Variants in EXOSC8 observed in about 807,000 individuals in gnomAD.
The protein encoded by EXOSC8 is exosome complex component RRP43.
A neutral mutation model predicts 39.9 loss-of-function variants in EXOSC8; 37 were observed. The ratio of observed to expected loss-of-function variants is 0.93; its 90% CI spans 0.71 to 1.22. The LOEUF (loss-of-function observed/expected upper bound fraction) is 1.22, where lower values mean the gene tolerates loss of function less well. Ranked by LOEUF, EXOSC8 falls within the 50% of genes most tolerant of loss-of-function variation. The pLI, the probability that EXOSC8 is intolerant of heterozygous loss-of-function variation, is 0.00. For missense variants in EXOSC8, 313 were observed against 326.6 expected (o/e 0.96, Z 0.32); for synonymous variants, 93 against 109.5 (o/e 0.85, Z 0.94).
At chr13:37,009,030 A>G (rs1400953763) in intron 10 of EXOSC8, among the ~76,000 whole-genome samples, 154 bp from the exon 11 acceptor site, 2 of 152,220 alleles carry the variant, frequency 1.3e-5, no homozygotes, top group African/African-American at 4.8e-5. Flanking sequence ...CATTAGAATC[A>G]CTTGGAGGTC....
At position 37,009,570 on chromosome 13, in the gene EXOSC8, T is replaced by C. The variant is rs768129917; in HGVS notation, c.*271T>C. 5 of 1,328,846 alleles carry C rather than the reference T, an allele frequency of 3.8e-6. No homozygotes were observed. Among genetic ancestry groups the C allele is most frequent in the South Asian group, 1.2e-5 (1 of 82,824 alleles). 82.3% of individuals were successfully genotyped at this position (1,328,846 alleles called of 1,614,324 possible). On this transcript the variant is annotated 3_prime_UTR_variant, in exon 11 of 11. Coordinates refer to ENST00000389704, the MANE Select transcript of EXOSC8 (RefSeq NM_181503.3). The stretch of plus-strand genomic sequence containing the variant: ...TGTATAAAGTTTGTACATCTAGCAA[T>C]GTAAAATACTGACACATTAAAAAAA...
intron 1 of EXOSC8, 39 bp downstream of exon 1, chr13:37,000,861 G>C: frequency 3.4e-6 from 5 of 1,481,912 alleles, no homozygotes; most frequent in Non-Finnish European, 4.5e-6. Flanking sequence ...TCTGTACCCT[G>C]GCGGACGGCA....
intron 10 of EXOSC8, 91 bp from the exon 11 acceptor site, chr13:37,009,093 A>AT (rs1193970856): frequency 2.3e-6 from 2 of 865,898 alleles, no homozygotes; most frequent in Non-Finnish European, 3.7e-6. Flanking sequence ...ACATTATCCA[A>AT]TTTTTTTGTT....
rs2059112487 is a variant in EXOSC8, at chr13:37,002,419, A to T, written c.55-69A>T. 2.2e-6 allele frequency: 3 copies of T among 1,345,060 alleles called. No individual in the cohort carries two copies. In the East Asian group the frequency reaches 7.0e-5, roughly 31 times the overall value. The allele number at this position is 1,345,060 out of a possible 1,614,324, so 83.3% of individuals were successfully genotyped here. On this transcript the variant is annotated intron_variant, in intron 2 of 10. Transcript: ENST00000389704. ...TTGAAGTAACATTTAATGTGTGTGT[A>T]AAACTTGTGATAGATGTGTAAAATA... is the stretch of plus-strand genomic sequence containing the variant.
rs774720785 is a variant in EXOSC8 at position 37,002,523 on chromosome 13, TGAATTCA to T, written c.94_100del (p.Phe32ProfsTer17). ...GCCGTCCTGATGGAAGAGAACTTGG[TGAATTCA>T]GAACCACAACTGTCAACATCGGTAA... is the stretch of plus-strand genomic sequence containing the variant. On this transcript the variant is annotated frameshift_variant, in exon 3 of 11. Coordinates refer to ENST00000389704, the MANE Select transcript of EXOSC8 (RefSeq NM_181503.3). LOFTEE classifies it high-confidence loss of function. 8.2e-6 allele frequency: 13 copies of T among 1,593,666 alleles called. No individual in the cohort carries two copies. The highest frequency in any genetic ancestry group is 1.1e-5 in the Non-Finnish European group (13 of 1,168,900).
At chr13:37,005,767 G>A (rs1484420349) in intron 5 of EXOSC8, among the ~76,000 whole-genome samples, 153 bp from the exon 6 acceptor site, 1 of 150,284 alleles carries the variant, frequency 6.7e-6, no homozygotes, top group Non-Finnish European at 1.5e-5. Flanking sequence ...GGGAGGCTGA[G>A]GCAAGGAAAT....
chr13:37,006,114 G>C lies in EXOSC8; in HGVS notation c.345-1G>C. The C allele has an allele frequency of 6.2e-7, 1 of 1,609,648 alleles. No individual in the cohort carries two copies. The highest frequency in any genetic ancestry group is 8.5e-7 in the Non-Finnish European group (1 of 1,176,250). On this transcript the variant is annotated splice_acceptor_variant, in intron 6 of 10. Transcript: ENST00000389704. LOFTEE classifies it high-confidence loss of function. ...ACTTTGCTCTTTGTCATTAAATCAA[G>C]TTCACAGATAATTCAGAAAGAGGAC...
At chr13:37,001,960 T>C (rs967214865) in intron 1 of EXOSC8, among the ~76,000 whole-genome samples, 4 of 152,174 alleles carry the variant, frequency 2.6e-5, no homozygotes, top group African/African-American at 9.7e-5. Context: ...ATAATCTTTT[T>C]TCATGATCAC....
At position 37,008,845 on chromosome 13, in the gene EXOSC8, C is replaced by G; in HGVS notation, c.715+10C>G. The G allele has an allele frequency of 2.6e-6, 4 of 1,543,114 alleles. No individual in the cohort carries two copies. The highest frequency in any genetic ancestry group is 3.3e-5 in the Admixed American group (2 of 59,852). On this transcript the variant is annotated intron_variant, in intron 10 of 10. Transcript: ENST00000389704. ...TGTCTTCACAAACCAGGCATGTTCCCGCCACTTCAGTCCTAAACATATGTA... is the reference window on the plus strand; with the variant it reads ...TGTCTTCACAAACCAGGCATGTTCCGGCCACTTCAGTCCTAAACATATGTA...
At chr13:37,008,308 A>C (rs1031193831) in intron 9 of EXOSC8, 131 bp downstream of exon 9, 4 of 739,286 alleles carry the variant, frequency 5.4e-6, no homozygotes, top group African/African-American at 1.8e-5. Flanking sequence ...TTGAGTTTCT[A>C]CTTGTCCCTG....
rs1301481115 is a variant in EXOSC8 at position 37,006,983 on chromosome 13, G to A, written c.399G>A (p.Trp133Ter). 6 of 1,603,808 alleles carry A rather than the reference G, an allele frequency of 3.7e-6. No individual in the cohort carries two copies. Among genetic ancestry groups the A allele is most frequent in the Non-Finnish European group, 5.1e-6 (6 of 1,170,728 alleles). Residue 133 changes from tryptophan to a stop codon, truncating the protein, a stop_gained, in exon 8 of 11, where the codon TGG (tryptophan) becomes TGA (stop). Transcript: ENST00000389704. LOFTEE classifies it high-confidence loss of function. ...GTTTAATTCTATTTTAGCTTGTCTG[G>A]GTTCTATACTGTGATCTCATTTGCC... is the stretch of plus-strand genomic sequence containing the variant. ...DLCISPGKLVWVLYCDLICLD... is the reference protein window; with the variant it reads ...DLCISPGKLV
Position 37,009,312 on chromosome 13 carries a change from T to C in EXOSC8, c.*13T>C. 1 of 1,425,618 alleles carries C rather than the reference T, an allele frequency of 7.0e-7. No individual in the cohort carries two copies. Among genetic ancestry groups the C allele is most frequent in the African/African-American group, 1.4e-5 (1 of 71,038 alleles). The allele number at this position is 1,425,618 out of a possible 1,614,324, so 88.3% of individuals were successfully genotyped here. A position where few individuals can be genotyped will look rare whatever the true frequency, so the allele number is the denominator to read the frequency against. On this transcript the variant is annotated 3_prime_UTR_variant, in exon 11 of 11. Coordinates refer to ENST00000389704, the MANE Select transcript of EXOSC8 (RefSeq NM_181503.3). Reference sequence around the variant, plus strand: ...GAAACCCAAATAAACAGCCACCACATTTTCAAAACAGATTTGTAAAAATTG... The same window carrying C: ...GAAACCCAAATAAACAGCCACCACACTTTCAAAACAGATTTGTAAAAATTG...
At chr13:37,005,650 G>C (rs1036850871) in intron 5 of EXOSC8, among the ~76,000 whole-genome samples, 1 of 151,818 alleles carries the variant, frequency 6.6e-6, no homozygotes, top group East Asian at 1.9e-4. Flanking sequence ...GGCGGATCAC[G>C]AGGTCAGGCG....
intron 3 of EXOSC8, 111 bp from the exon 4 acceptor site, chr13:37,002,823 G>A: frequency 2.7e-6 from 2 of 745,276 alleles, no homozygotes; most frequent in Non-Finnish European, 4.7e-6. Flanking sequence ...ACTGAGAGGG[G>A]TAGCAAGATA....
intron 1 of EXOSC8, 109 bp downstream of exon 1, chr13:37,000,931 A>G: frequency 2.3e-6 from 3 of 1,319,346 alleles, no homozygotes; most frequent in Non-Finnish European, 3.0e-6. Context: ...TTGGGGTGCC[A>G]TTTCCTTCCT....
intron 9 of EXOSC8, 94 bp downstream of exon 9, chr13:37,008,271 C>G: frequency 2.0e-6 from 2 of 1,009,066 alleles, no homozygotes; most frequent in Non-Finnish European, 3.0e-6. Flanking sequence ...GCTATGGTGA[C>G]CCTACATCCT....
rs200288552 is a variant in EXOSC8 at position 37,005,947 on chromosome 13, G to A, written c.266G>A (p.Cys89Tyr). The change falls in exon 6 of 11, where the codon TGT (cysteine) becomes TAT (tyrosine). Residue 89 changes from cysteine to tyrosine, a missense_variant. By Grantham distance (194) the Cys-to-Tyr change is radical. Coordinates refer to ENST00000389704, the MANE Select transcript of EXOSC8 (RefSeq NM_181503.3). ...CCTAATGTGGATCTACCACCCCTGT[G>A]TTCATCGAGATTCCGGTCTGGACCT... ...VVPNVDLPPLCSSRFRSGPPG... is the reference protein window; with the variant it reads ...VVPNVDLPPLYSSRFRSGPPG... 205 of 1,606,372 alleles carry A rather than the reference G, an allele frequency of 1.3e-4. No homozygotes were observed. Among genetic ancestry groups the A allele is most frequent in the Middle Eastern group, 9.9e-4 (6 of 6,064 alleles).
At chr13:37,008,023 GACTT>G (rs766347631) in intron 8 of EXOSC8, 30 bp from the exon 9 acceptor site, 63 of 1,477,742 alleles carry the variant, frequency 4.3e-5, no homozygotes, top group East Asian at 1.8e-4. Context: ...GTTTCTTAGA[GACTT>G]ACTTACTTTA....
intron 1 of EXOSC8, among the ~76,000 whole-genome samples, chr13:37,001,286 G>A (rs1000638797): frequency 1.3e-5 from 2 of 152,142 alleles, no homozygotes; most frequent in Non-Finnish European, 2.9e-5. Flanking sequence ...GCGGGCGCCT[G>A]TAGTCCCAGC....
Sources: gnomAD v4.1 joint callset for allele counts (sites outside exome capture counted in the v4.1 genomes callset) on GRCh38, gnomAD v4.1.1 for gene constraint, MANE v1.5 for transcripts, NCBI Gene and HGNC (gene_info 2026-07-23, HGNC 2026-07-21) for gene names.